FHOD3: variants seen among roughly 807,000 people sequenced by gnomAD.
FHOD3 encodes the protein formin homology 2 domain containing 3, also known as FH1/FH2 domain-containing protein 3.
FHOD3 carries 90 observed loss-of-function variants against 173.0 expected under a neutral mutation model. That is an observed-to-expected ratio of 0.52 (90% CI 0.44 to 0.62). The LOEUF (loss-of-function observed/expected upper bound fraction) is 0.62. Ranked by LOEUF, FHOD3 falls within the 20% of genes least tolerant of loss-of-function variation. FHOD3 has a pLI of 0.00. For synonymous variants in FHOD3, 828 were observed against 823.0 expected (o/e 1.01, Z -0.10); for missense variants, 1,945 against 2,034.7 (o/e 0.96, Z 0.85).
chr18:36,488,369 G>A (rs1354165165), intron 3 of FHOD3, among the ~76,000 whole-genome samples: 1 of 152,220 alleles, frequency 6.6e-6, no homozygotes, highest in African/African-American at 2.4e-5. Flanking sequence ...ACCCCGGGAA[G>A]GAAGAGGCAA....
At chr18:36,572,189 C>T (rs1346213058) in intron 5 of FHOD3, among the ~76,000 whole-genome samples, 2 of 152,162 alleles carry the variant, frequency 1.3e-5, no homozygotes, top group Non-Finnish European at 2.9e-5. Context: ...AGTGGCAGAA[C>T]AGGAAATGCT....
At chr18:36,667,201 C>T (rs146223511) in intron 14 of FHOD3, among the ~76,000 whole-genome samples, 1 of 152,076 alleles carries the variant, frequency 6.6e-6, no homozygotes, top group Non-Finnish European at 1.5e-5. Flanking sequence ...GCTTTCATTT[C>T]TCTTGGGTAA....
At position 36,703,777 on chromosome 18, in the gene FHOD3, A is replaced by G. The variant is rs185813100; in HGVS notation, c.2237-5318A>G. Among the ~76,000 whole-genome samples the G allele has an allele frequency of 2.2e-4, 34 of 152,166 alleles. No homozygotes were observed. The East Asian group carries it at 6.4e-3, about 29-fold the overall frequency. ...AAGTCCTCAGGCCGGCTCGTTCCTC[A>G]TTTCTCTCCTCATTTTGCGACCTGC... On this transcript the variant is annotated intron_variant, in intron 17 of 28. Coordinates refer to ENST00000590592, the MANE Select transcript of FHOD3 (RefSeq NM_001281740.3).
intron 3 of FHOD3, among the ~76,000 whole-genome samples, chr18:36,403,705 G>A (rs955894204): frequency 6.6e-6 from 1 of 152,224 alleles, no homozygotes; most frequent in Non-Finnish European, 1.5e-5. Context: ...AGTCTGGCCA[G>A]CAACTATCAG....
chr18:36,767,153 AT>A (rs1383497800), intron 27 of FHOD3, among the ~76,000 whole-genome samples: 2 of 152,150 alleles, frequency 1.3e-5, no homozygotes, highest in East Asian at 3.9e-4. Context: ...AAAAGAGTCT[AT>A]TTTTTAAAGG....
At chr18:36,522,477 G>A (rs2056322478) in intron 5 of FHOD3, among the ~76,000 whole-genome samples, 1 of 152,132 alleles carries the variant, frequency 6.6e-6, no homozygotes, top group South Asian at 2.1e-4. Flanking sequence ...ATCTACTAGG[G>A]TGTATATCTT....
chr18:36,439,521 ATGTGTGTGTGTGTGTGTGTG>A (rs33931333), intron 3 of FHOD3, among the ~76,000 whole-genome samples: 8 of 144,830 alleles, frequency 5.5e-5, no homozygotes, highest in Admixed American at 2.0e-4. Flanking sequence ...AACCAATAGA[ATGTGTGTGTGTGTGTGTGTG>A]TGTGTGTGTG....
At chr18:36,612,898 C>T (rs899889118) in intron 9 of FHOD3, among the ~76,000 whole-genome samples, 6 of 152,236 alleles carry the variant, frequency 3.9e-5, no homozygotes, top group African/African-American at 2.4e-5. Flanking sequence ...TCTACCAACA[C>T]TCTGCCTTTA....
intron 3 of FHOD3, among the ~76,000 whole-genome samples, chr18:36,493,541 C>T (rs757621511): frequency 8.5e-5 from 13 of 152,284 alleles, no homozygotes; most frequent in East Asian, 3.9e-4. Context: ...GGGAAATGGG[C>T]GTCACCCAAG....
chr18:36,487,584 A>G (rs562043634), intron 3 of FHOD3, among the ~76,000 whole-genome samples: 2 of 152,290 alleles, frequency 1.3e-5, no homozygotes, highest in East Asian at 3.9e-4. Context: ...TTAGGCTCAG[A>G]AATATTTATT....
intron 18 of FHOD3, 136 bp downstream of exon 18, chr18:36,709,527 GTGTC>G (rs2040055813): frequency 2.1e-6 from 2 of 968,246 alleles, no homozygotes; most frequent in Non-Finnish European, 3.0e-6. Context: ...GTGTCACCCA[GTGTC>G]TGGGGACAAG....
intron 2 of FHOD3, among the ~76,000 whole-genome samples, chr18:36,356,893 C>G (rs78104301): frequency 0.012 from 1,775 of 152,232 alleles, 42 homozygotes; most frequent in African/African-American, 0.04. Context: ...CTCAGCCTCC[C>G]TAAGTGCTGG....
intron 23 of FHOD3, among the ~76,000 whole-genome samples, chr18:36,744,515 A>G (rs1387795346): frequency 1.3e-5 from 2 of 152,262 alleles, no homozygotes; most frequent in African/African-American, 4.8e-5. Flanking sequence ...GAAACAGCAC[A>G]GCTTGTCTTA....
intron 20 of FHOD3, among the ~76,000 whole-genome samples, chr18:36,738,153 A>G (rs1360390151): frequency 1.3e-5 from 2 of 152,204 alleles, no homozygotes; most frequent in African/African-American, 4.8e-5. Flanking sequence ...GTCATTGTAC[A>G]TATCTATAGT....
At chr18:36,574,023 T>A (rs2058555491) in intron 5 of FHOD3, among the ~76,000 whole-genome samples, 1 of 152,170 alleles carries the variant, frequency 6.6e-6, no homozygotes, top group Non-Finnish European at 1.5e-5. Flanking sequence ...TTTGGTCACA[T>A]CCCTTCACTT....
At chr18:36,424,288 TA>T (rs1389476404) in intron 3 of FHOD3, among the ~76,000 whole-genome samples, 2 of 152,220 alleles carry the variant, frequency 1.3e-5, no homozygotes, top group Non-Finnish European at 2.9e-5. Context: ...CTAAGCCACT[TA>T]GTGTGTATAA....
intron 6 of FHOD3, 58 bp from the exon 7 acceptor site, chr18:36,594,729 C>A (rs2030015303): frequency 1.6e-6 from 2 of 1,262,590 alleles, no homozygotes; most frequent in Non-Finnish European, 2.3e-6. Flanking sequence ...TAGGAAGATG[C>A]TCTCTGGTGC....
intron 5 of FHOD3, among the ~76,000 whole-genome samples, chr18:36,522,649 G>A (rs2056330629): frequency 6.6e-6 from 1 of 152,194 alleles, no homozygotes; most frequent in Admixed American, 6.5e-5. Flanking sequence ...CTTTGCAGCT[G>A]CACCAGCCTG....
chr18:36,501,715 G>C lies in FHOD3; in HGVS notation c.338-217G>C, dbSNP rs192182852. Among the ~76,000 whole-genome samples, 40 of 151,688 alleles carry C rather than the reference G, an allele frequency of 2.6e-4. No individual in the cohort carries two copies. In the East Asian group the frequency reaches 7.6e-3, roughly 29 times the overall value. On this transcript the variant is annotated intron_variant, in intron 3 of 28. Transcript: ENST00000590592. ...AGGCAAAAGGGCAGGCCCCAAATCT[G>C]TCCCATCTACACATTATTCCATGCC...
Sources: gnomAD v4.1 joint callset for allele counts (sites outside exome capture counted in the v4.1 genomes callset) on GRCh38, gnomAD v4.1.1 for gene constraint, MANE v1.5 for transcripts, NCBI Gene and HGNC (gene_info 2026-07-23, HGNC 2026-07-21) for gene names.